TLN1: variants seen among roughly 807,000 people sequenced by gnomAD.
TLN1 encodes the protein talin 1.
Under a neutral mutation model 292.3 loss-of-function variants are expected in TLN1, and 56 were observed. That is an observed-to-expected ratio of 0.19 (90% CI 0.15 to 0.24). TLN1 has a LOEUF of 0.24. Among genes scored for constraint, TLN1 ranks in the 10% least tolerant of loss-of-function variants. The pLI, the probability that TLN1 is intolerant of heterozygous loss-of-function variation, is 1.00. For missense variants in TLN1, 2,433 were observed against 3,248.2 expected, an observed-to-expected ratio of 0.75 and a Z score of 6.10; for synonymous variants, 1,119 against 1,253.7, an observed-to-expected ratio of 0.89 and a Z score of 2.27.
intron 1 of TLN1, among the ~76,000 whole-genome samples, chr9:35,726,817 C>T (rs1437220415): frequency 6.6e-6 from 1 of 152,232 alleles, no homozygotes; most frequent in African/African-American, 2.4e-5. Context: ...GAAATAGACT[C>T]TGGGAGGCCA....
intron 48 of TLN1, among the ~76,000 whole-genome samples, chr9:35,703,095 G>A (rs1825495021): frequency 6.6e-6 from 1 of 152,034 alleles, no homozygotes; most frequent in Non-Finnish European, 1.5e-5. Flanking sequence ...GAGGCCAGGA[G>A]TTCGAGACCA....
intron 19 of TLN1, 70 bp from the exon 20 acceptor site, chr9:35,716,626 G>T: frequency 6.5e-7 from 1 of 1,547,310 alleles, no homozygotes; most frequent in South Asian, 1.2e-5. Flanking sequence ...GGACAAAGGT[G>T]GGGAAAAGTG....
intron 33 of TLN1, among the ~76,000 whole-genome samples, chr9:35,709,876 A>G (rs1164647604): frequency 1.6e-5 from 2 of 123,056 alleles, no homozygotes; most frequent in Non-Finnish European, 3.3e-5. Flanking sequence ...GACAGAGCGA[A>G]ACTCGGTCTC....
rs1331420518 is a variant in TLN1 at position 35,699,569 on chromosome 9, C to T, written c.6769-108G>A. 3.4e-6 allele frequency: 5 copies of T among 1,450,868 alleles called. No individual in the cohort carries two copies. Among genetic ancestry groups the T allele is most frequent in the Non-Finnish European group, 4.5e-6 (5 of 1,101,038 alleles). 89.9% of individuals were successfully genotyped at this position (1,450,868 alleles called of 1,614,324 possible). ...CCTCACCCCTATCCCTAGAGCACTCCACACCATAGCCCTCAAACTCCACGC... is the reference window on the plus strand; with the variant it reads ...CCTCACCCCTATCCCTAGAGCACTCTACACCATAGCCCTCAAACTCCACGC... On this transcript the variant is annotated intron_variant, in intron 50 of 56. Coordinates refer to ENST00000314888, the MANE Select transcript of TLN1 (RefSeq NM_006289.4). This position sits in a 1 kb window ranked among gnomAD's most constrained non-coding sequence, Gnocchi z 4.0.
chr9:35,714,247 C>A lies in TLN1; in HGVS notation c.3112G>T (p.Ala1038Ser). 6.2e-7 allele frequency: 1 copy of A among 1,609,104 alleles called. No homozygotes were observed. Among genetic ancestry groups the A allele is most frequent in the South Asian group, 1.1e-5 (1 of 90,556 alleles). Residue 1038 changes from alanine to serine, a missense_variant, in exon 24 of 57, where the codon GCC becomes TCC. By Grantham distance (99) the Ala-to-Ser change is moderately conservative (BLOSUM62 1). This residue lies in a region of TLN1 where 1,384 missense variants were observed against 1,699.6 expected (regional missense o/e 0.81). Transcript: ENST00000314888. This position sits in a 1 kb window ranked among gnomAD's most constrained non-coding sequence, Gnocchi z 4.6. ...AGAACCAGCTTCCATACCTTCTGGG[C>A]AGCCGTCCGGAGTTCAGCCAGCGCG... is the stretch of plus-strand genomic sequence containing the variant. ...GTALAELRTAAQKAQEACGPL... is the reference protein window; with the variant it reads ...GTALAELRTASQKAQEACGPL...
Position 35,706,759 on chromosome 9 carries a change from C to T in TLN1, c.5088+9G>A. 6.2e-7 allele frequency: 1 copy of T among 1,613,178 alleles called. No individual in the cohort carries two copies. The highest frequency in any genetic ancestry group is 1.3e-5 in the African/African-American group (1 of 75,048). On this transcript the variant is annotated intron_variant, in intron 38 of 56. Transcript: ENST00000314888. This position sits in a 1 kb window ranked among gnomAD's most constrained non-coding sequence, Gnocchi z 4.2. ...GACACATCTTTCCATATAACCCTCT[C>T]CCTCTCACCTCTTGAGAGATTCCCT...
rs758532800 is a variant in TLN1, at chr9:35,715,098, C to T, written c.2715G>A (p.Ala905=). 4.7e-5 allele frequency: 76 copies of T among 1,613,136 alleles called. No individual in the cohort carries two copies. Among genetic ancestry groups the T allele is most frequent in the Middle Eastern group, 3.7e-4 (2 of 5,366 alleles). ...CCAGCTTTTTCTTGATGGCATTCTG[C>T]GCAGCTGCATTGGTGGCCATGCGCA... ...EGLRMATNAA[A]QNAIKKKLVQ... is the part of the protein sequence containing the mutation. The change falls in exon 21 of 57, where the codon GCG becomes GCA. Residue 905 remains alanine, a synonymous_variant. Coordinates refer to ENST00000314888, the MANE Select transcript of TLN1 (RefSeq NM_006289.4).
In TLN1 at chr9:35,719,473, C is replaced by T. The variant is rs753441827; in HGVS notation, c.1687+46G>A. On this transcript the variant is annotated intron_variant, in intron 15 of 56. Coordinates refer to ENST00000314888, the MANE Select transcript of TLN1 (RefSeq NM_006289.4). The surrounding 1 kb of genome is among the most constrained non-coding windows in gnomAD (Gnocchi z 4.6). ...TCACATGCATGCCTGTGCACACTTG[C>T]ACCCCCTCTCCCCATCACACACCCG... 6 of 1,547,714 alleles carry T rather than the reference C, an allele frequency of 3.9e-6. No individual in the cohort carries two copies. The East Asian group carries it at 6.7e-5, about 17-fold the overall frequency.
At chr9:35,722,748 G>T in intron 8 of TLN1, 113 bp downstream of exon 8, 1 of 1,052,852 alleles carries the variant, frequency 9.5e-7, no homozygotes, top group Non-Finnish European at 1.5e-6. Flanking sequence ...ACAGCCCGGT[G>T]GGTGAAAGCC....
intron 11 of TLN1, 65 bp from the exon 12 acceptor site, chr9:35,720,574 G>T: frequency 6.6e-7 from 1 of 1,507,590 alleles, no homozygotes. Context: ...AGAAAAGGCA[G>T]CCTCTTCTTT....
intron 30 of TLN1, 31 bp from the exon 31 acceptor site, chr9:35,711,113 T>C (rs200499291): frequency 1.5e-4 from 250 of 1,612,910 alleles, no homozygotes; most frequent in Non-Finnish European, 2.1e-4. Flanking sequence ...AGTGAAAAGG[T>C]GAATAGGTCA....
At chr9:35,712,345 A>G (rs1825687831) in intron 27 of TLN1, among the ~76,000 whole-genome samples, 1 of 152,146 alleles carries the variant, frequency 6.6e-6, no homozygotes, top group Non-Finnish European at 1.5e-5. Flanking sequence ...CAACTGAGAC[A>G]CTTCTACAAG....
Position 35,706,084 on chromosome 9 carries a change from C to T in TLN1, c.5389G>A (p.Glu1797Lys), listed in dbSNP as rs758003423. Residue 1797 changes from glutamate (E) to lysine (K), a missense_variant, in exon 41 of 57, where the codon GAG becomes AAG. By Grantham distance (56) the Glu-to-Lys change is moderately conservative. Transcript: ENST00000314888. The surrounding 1 kb of genome is among the most constrained non-coding windows in gnomAD (Gnocchi z 4.2). The part of the protein sequence containing the change: ...KQAAHTQEAL[E>K]EAVQMMTEAV... ...TCGGTCATCATCTGCACAGCCTCCT[C>T]CAGGGCTTCCTGGGTGTGAGCTGCT... The T allele has an allele frequency of 6.2e-7, 1 of 1,614,186 alleles. No individual in the cohort carries two copies. The highest frequency in any genetic ancestry group is 8.5e-7 in the Non-Finnish European group (1 of 1,180,034).
rs758597217 is a variant in TLN1, at chr9:35,718,822, G to T, written c.1985C>A (p.Pro662His). ...LQQIGESDTDPHFQDALMQLA... is the reference protein window; with the variant it reads ...LQQIGESDTDHHFQDALMQLA... ...GGGTAAGTCACCAACCTGGAAGTGG[G>T]GGTCAGTATCACTTTCCCCAATTTG... Residue 662 changes from proline (P) to histidine (H), a missense_variant, in exon 17 of 57, where the codon CCC becomes CAC. Around this residue, in one of 7 missense-constraint regions of TLN1, gnomAD observed 617 missense variants for 770.6 expected, o/e 0.80. Coordinates refer to ENST00000314888, the MANE Select transcript of TLN1 (RefSeq NM_006289.4). The T allele has an allele frequency of 6.2e-7, 1 of 1,613,542 alleles. No homozygotes were observed.
intron 17 of TLN1, among the ~76,000 whole-genome samples, chr9:35,718,546 G>T (rs996035690): frequency 6.6e-6 from 1 of 152,144 alleles, no homozygotes; most frequent in African/African-American, 2.4e-5. Context: ...CAAGGGCTAT[G>T]TACGGGGAAG....
At chr9:35,701,463 C>T (rs1825466109) in intron 48 of TLN1, among the ~76,000 whole-genome samples, 1 of 152,178 alleles carries the variant, frequency 6.6e-6, no homozygotes, top group South Asian at 2.1e-4. Context: ...TTTGTAGAGA[C>T]AGGATCTTGC....
intron 19 of TLN1, among the ~76,000 whole-genome samples, chr9:35,716,904 T>G (rs917398622): frequency 3.9e-5 from 6 of 152,156 alleles, no homozygotes; most frequent in Non-Finnish European, 8.8e-5. Flanking sequence ...TATATTTTTG[T>G]GCGTACTTTG....
chr9:35,708,391 T>C lies in TLN1; in HGVS notation c.4420A>G (p.Ile1474Val). 1 of 1,611,344 alleles carries C rather than the reference T, an allele frequency of 6.2e-7. No homozygotes were observed. Among genetic ancestry groups the C allele is most frequent in the Non-Finnish European group, 8.5e-7 (1 of 1,178,592 alleles). ...CCCAAACTCTGGCAGGCCATCTGAA[T>C]TGCCTGGTTTGCACGGGCAAACTGT... ...PTQFARANQAIQMACQSLGEP... is the reference protein window; with the variant it reads ...PTQFARANQAVQMACQSLGEP... The change falls in exon 34 of 57, where the codon ATT (isoleucine) becomes GTT (valine). Residue 1474 changes from isoleucine (I) to valine (V), a missense_variant. Around this residue, in one of 7 missense-constraint regions of TLN1, gnomAD observed 1,384 missense variants for 1,699.6 expected, o/e 0.81. Transcript: ENST00000314888.
In TLN1 at chr9:35,726,985, T is replaced by A. The variant is rs936939236; in HGVS notation, c.-33-1258A>T. Among the ~76,000 whole-genome samples, 6 of 152,226 alleles carry A rather than the reference T, an allele frequency of 3.9e-5. No homozygotes were observed. The East Asian group carries it at 7.7e-4, about 20-fold the overall frequency. On this transcript the variant is annotated intron_variant, in intron 1 of 56. Coordinates refer to ENST00000314888, the MANE Select transcript of TLN1 (RefSeq NM_006289.4). ...CGAATTCTGCTCTGTCTCACCCACT[T>A]CCCCTGACTGTATTTTCAGTGCAGC...
Sources: allele counts gnomAD v4.1 joint callset (sites outside exome capture counted in the v4.1 genomes callset), GRCh38; gene constraint gnomAD v4.1.1; regional missense constraint gnomAD v4.1.1; non-coding constraint Gnocchi (gnomAD v3.1); transcripts MANE v1.5; gene names NCBI Gene and HGNC (gene_info 2026-07-23, HGNC 2026-07-21).